The following ARHGAP28 variants were observed in gnomAD, a reference collection of about 807,000 sequenced individuals.
ARHGAP28 encodes the protein rho GTPase-activating protein 28.
ARHGAP28 carries 56 observed loss-of-function variants against 90.7 expected under a neutral mutation model. The ratio of observed to expected loss-of-function variants is 0.62; its 90% CI spans 0.50 to 0.77. The LOEUF (loss-of-function observed/expected upper bound fraction) is 0.77. Ranked by LOEUF, ARHGAP28 falls within the 30% of genes least tolerant of loss-of-function variation. ARHGAP28 has a pLI of 0.00. For missense variants in ARHGAP28, 869 were observed against 900.9 expected (o/e 0.96, Z 0.45); for synonymous variants, 308 against 323.3 (o/e 0.95, Z 0.51).
intron 4 of ARHGAP28, among the ~76,000 whole-genome samples, chr18:6,855,573 A>G (rs2056946319): frequency 6.6e-6 from 1 of 152,170 alleles, no homozygotes; most frequent in South Asian, 2.1e-4. Flanking sequence ...CTGGGACTAG[A>G]ACTTTGGACC....
chr18:6,799,342 C>T (rs1022181286), intron 1 of ARHGAP28, among the ~76,000 whole-genome samples: 3 of 152,176 alleles, frequency 2.0e-5, no homozygotes, highest in African/African-American at 7.2e-5. Context: ...GTGCTATCTT[C>T]ATCAAGCTAC....
intron 16 of ARHGAP28, among the ~76,000 whole-genome samples, chr18:6,899,548 G>A (rs145190797): frequency 1.7e-3 from 266 of 152,128 alleles, no homozygotes; most frequent in Non-Finnish European, 2.9e-3. Context: ...GAAAAAACAC[G>A]CCACCACCCC....
chr18:6,802,230 A>G (rs1268351021), intron 1 of ARHGAP28, among the ~76,000 whole-genome samples: 1 of 152,098 alleles, frequency 6.6e-6, no homozygotes, highest in Non-Finnish European at 1.5e-5. Context: ...AAGTATTACA[A>G]TAAACATGAG....
At chr18:6,810,005 C>T (rs1005771258) in intron 1 of ARHGAP28, among the ~76,000 whole-genome samples, 2 of 152,098 alleles carry the variant, frequency 1.3e-5, no homozygotes, top group Non-Finnish European at 2.9e-5. Context: ...GCATGTGTTT[C>T]CTAATTCACC....
intron 1 of ARHGAP28, among the ~76,000 whole-genome samples, chr18:6,820,138 A>G (rs1433039075): frequency 6.6e-6 from 1 of 152,226 alleles, no homozygotes; most frequent in African/African-American, 2.4e-5. Flanking sequence ...AGATCTTTCC[A>G]ATAACAATTA....
At chr18:6,887,808 G>A (rs997169296) in intron 12 of ARHGAP28, among the ~76,000 whole-genome samples, 1 of 152,264 alleles carries the variant, frequency 6.6e-6, no homozygotes, top group East Asian at 1.9e-4. Flanking sequence ...ATTGGGCAAG[G>A]TGTTAGGAGT....
intron 7 of ARHGAP28, 116 bp downstream of exon 7, chr18:6,870,848 T>G (rs1358973997): frequency 2.7e-6 from 3 of 1,097,568 alleles, no homozygotes; most frequent in Non-Finnish European, 3.8e-6. Context: ...TGCCCCAGGC[T>G]GGAGTGCAGT....
chr18:6,749,532 A>G (rs554109271), intron 1 of ARHGAP28, among the ~76,000 whole-genome samples: 1 of 152,322 alleles, frequency 6.6e-6, no homozygotes, highest in Non-Finnish European at 1.5e-5. Context: ...CCAATGTTCT[A>G]ACATTTCTAT....
chr18:6,898,614 G>A, intron 16 of ARHGAP28: 3 of 1,580,022 alleles, frequency 1.9e-6, no homozygotes, highest in Non-Finnish European at 2.6e-6. Flanking sequence ...CAAGGGATTT[G>A]GGTATCCAGT....
intron 1 of ARHGAP28, among the ~76,000 whole-genome samples, chr18:6,815,998 A>C (rs1012927907): frequency 6.6e-6 from 1 of 152,158 alleles, no homozygotes; most frequent in African/African-American, 2.4e-5. Flanking sequence ...CCAATCTACA[A>C]ACACATTTTT....
intron 1 of ARHGAP28, among the ~76,000 whole-genome samples, chr18:6,734,185 G>A (rs1399738030): frequency 6.6e-6 from 1 of 152,154 alleles, no homozygotes. Flanking sequence ...TTTTAGAGAG[G>A]CTAAGCTTCT....
chr18:6,734,858 C>A (rs1600137517), intron 1 of ARHGAP28, among the ~76,000 whole-genome samples: 1 of 152,094 alleles, frequency 6.6e-6, no homozygotes, highest in African/African-American at 2.4e-5. Context: ...ATTTATAGGT[C>A]ATTCTTTATG....
At chr18:6,858,886 C>A (rs1308226783) in intron 4 of ARHGAP28, among the ~76,000 whole-genome samples, 4 of 151,348 alleles carry the variant, frequency 2.6e-5, no homozygotes, top group Non-Finnish European at 4.4e-5. Context: ...AAAAAAAGAT[C>A]TTTGTTCATT....
intron 16 of ARHGAP28, chr18:6,898,255 A>G: frequency 2.2e-6 from 1 of 452,444 alleles, no homozygotes; most frequent in East Asian, 3.6e-5. Flanking sequence ...GGAGGAAGGC[A>G]TAGTGACCAG....
chr18:6,825,047 TC>T, intron 2 of ARHGAP28, 83 bp downstream of exon 2: 1 of 1,222,512 alleles, frequency 8.2e-7, no homozygotes, highest in Non-Finnish European at 1.1e-6. Context: ...GCAGAAATCA[TC>T]CCACCAATAG....
chr18:6,785,491 G>A (rs1387862472), intron 1 of ARHGAP28, among the ~76,000 whole-genome samples: 4 of 152,152 alleles, frequency 2.6e-5, no homozygotes, highest in South Asian at 2.1e-4. Flanking sequence ...TGGCCCAGGG[G>A]TCCCTTAGAT....
chr18:6,835,541 T>C (rs2056746800), intron 2 of ARHGAP28, among the ~76,000 whole-genome samples: 1 of 152,182 alleles, frequency 6.6e-6, no homozygotes, highest in East Asian at 1.9e-4. Context: ...GATGCAATAA[T>C]GTAAGCAGAA....
chr18:6,887,197 C>T lies in ARHGAP28; in HGVS notation c.1494C>T (p.Leu498=). 6.2e-7 allele frequency: 1 copy of T among 1,614,194 alleles called. No homozygotes were observed. Among genetic ancestry groups the T allele is most frequent in the Non-Finnish European group, 8.5e-7 (1 of 1,180,040 alleles). Residue 498 remains leucine (L), a synonymous_variant, in exon 12 of 18, where the codon CTC becomes CTT. Coordinates refer to ENST00000383472, the MANE Select transcript of ARHGAP28 (RefSeq NM_001366230.1). The stretch of plus-strand genomic sequence containing the variant: ...AAGTACAGTTTCAAGCCTTACACCT[C>T]ATGGTCATGGCGCTGCCTGATGCCA... ...HVKVQFQALH[L]MVMALPDANR... is the part of the protein sequence containing the mutation.
At chr18:6,879,528 G>A (rs906960335) in intron 10 of ARHGAP28, among the ~76,000 whole-genome samples, 1 of 152,188 alleles carries the variant, frequency 6.6e-6, no homozygotes, top group African/African-American at 2.4e-5. Flanking sequence ...CGGCTGACAT[G>A]GTTTCACATT....
Sources: allele counts gnomAD v4.1 joint callset (sites outside exome capture counted in the v4.1 genomes callset), GRCh38; gene constraint gnomAD v4.1.1; transcripts MANE v1.5; gene names NCBI Gene and HGNC (gene_info 2026-07-23, HGNC 2026-07-21).